Variants in ZNF808 observed in about 807,000 individuals in gnomAD.
ZNF808 encodes the protein zinc finger protein 808.
Under a neutral mutation model 8.7 loss-of-function variants are expected in ZNF808, and 5 were observed. The observed-to-expected ratio is 0.58, with a 90% CI of 0.30 to 1.21. The LOEUF (loss-of-function observed/expected upper bound fraction) is 1.21. ZNF808 is among the 50% of genes most tolerant of loss of function. The pLI, the probability that ZNF808 is intolerant of heterozygous loss-of-function variation, is 0.07. For missense variants in ZNF808, 1,103 were observed against 1,098.4 expected, an observed-to-expected ratio of 1.00 and a Z score of -0.06; for synonymous variants, 380 against 366.0, an observed-to-expected ratio of 1.04 and a Z score of -0.44.
rs377537705 is a variant in ZNF808 at position 52,547,626 on chromosome 19, C to G, written c.178C>G (p.Leu60Val). ...AGTGATGTTGGAGAACTACAGGAAC[C>G]TGGAGGCTGTGGGTGAGGAAAATGT... ...REVMLENYRN[L>V]EAVDISSKHM... The change falls in exon 4 of 5, where the codon CTG becomes GTG. Residue 60 changes from leucine to valine, a missense_variant. By Grantham distance (32) the Leu-to-Val change is conservative. Transcript: ENST00000359798. The G allele has an allele frequency of 1.2e-6, 2 of 1,613,844 alleles. No homozygotes were observed. The highest frequency in any genetic ancestry group is 1.7e-6 in the Non-Finnish European group (2 of 1,179,974).
chr19:52,529,102 A>G lies in ZNF808; in HGVS notation c.-122+1391A>G, dbSNP rs556067328. Among the ~76,000 whole-genome samples the G allele has an allele frequency of 6.8e-4, 104 of 152,192 alleles. 1 individual carries two copies. The highest frequency in any genetic ancestry group is 2.5e-3 in the African/African-American group (104 of 41,534). On this transcript the variant is annotated intron_variant, in intron 1 of 4. Coordinates refer to ENST00000359798, the MANE Select transcript of ZNF808 (RefSeq NM_001039886.4). ...AGTAATGAAGAAAGGGGGGCTAGGC[A>G]CAGTGGCTCACGCCTGTAGTCTCCA...
chr19:52,561,274 C>T (rs898291002), downstream of ZNF808, among the ~76,000 whole-genome samples: 5 of 143,116 alleles, frequency 3.5e-5, no homozygotes, highest in Admixed American at 7.2e-5. Context: ...TTCTAGGGTA[C>T]ATGTGCACAA....
intron 1 of ZNF808, chr19:52,527,940 T>C (rs1235304888): frequency 1.3e-5 from 2 of 152,334 alleles, no homozygotes; most frequent in African/African-American, 4.8e-5. Context: ...TGTATACACT[T>C]TCTATTGCGT....
intron 1 of ZNF808, among the ~76,000 whole-genome samples, chr19:52,530,165 AT>A (rs1358441193): frequency 5.3e-5 from 8 of 152,038 alleles, no homozygotes; most frequent in Non-Finnish European, 8.8e-5. Context: ...GCTTCAAACA[AT>A]TCTACTGCCT....
At chr19:52,550,686 A>G (rs779918569) in intron 4 of ZNF808, among the ~76,000 whole-genome samples, 17 of 151,864 alleles carry the variant, frequency 1.1e-4, no homozygotes, top group African/African-American at 1.7e-4. Flanking sequence ...AAGCCTGGCT[A>G]ATTTTTGTAT....
At chr19:52,540,983 G>C (rs1014914991) in intron 2 of ZNF808, among the ~76,000 whole-genome samples, 10 of 151,946 alleles carry the variant, frequency 6.6e-5, no homozygotes, top group African/African-American at 2.4e-4. Flanking sequence ...ATGGAGTCTC[G>C]CTCTGTCACC....
At chr19:52,552,030 T>C (rs1233698233) in intron 4 of ZNF808, among the ~76,000 whole-genome samples, 1 of 151,220 alleles carries the variant, frequency 6.6e-6, no homozygotes, top group Non-Finnish European at 1.5e-5. Flanking sequence ...ATTTTTTTTT[T>C]TTTTTGAGAT....
In ZNF808 at chr19:52,555,009, C is replaced by G. The variant is rs781120689; in HGVS notation, c.2093C>G (p.Thr698Ser). 7 of 1,612,200 alleles carry G rather than the reference C, an allele frequency of 4.3e-6. No individual in the cohort carries two copies. Among genetic ancestry groups the G allele is most frequent in the Admixed American group, 3.3e-5 (2 of 59,804 alleles). The change falls in exon 5 of 5, where the codon ACT becomes AGT. Residue 698 changes from threonine to serine, a missense_variant. By Grantham distance (58) the Thr-to-Ser change is moderately conservative. Coordinates refer to ENST00000359798, the MANE Select transcript of ZNF808 (RefSeq NM_001039886.4). Reference protein sequence around the residue: ...FVCRSYVAKHTRIHSGMKPYK... With the variant: ...FVCRSYVAKHSRIHSGMKPYK... ...TGTCGTTCCTATGTGGCAAAACATA[C>G]TAGAATTCACAGTGGAATGAAACCT...
chr19:52,535,394 G>C (rs2059597646), intron 2 of ZNF808, among the ~76,000 whole-genome samples: 1 of 151,742 alleles, frequency 6.6e-6, no homozygotes, highest in South Asian at 2.1e-4. Flanking sequence ...ACGAGGGAGG[G>C]AGCCCTGCGG....
chr19:52,544,084 A>G (rs1204139244), intron 3 of ZNF808, among the ~76,000 whole-genome samples: 4 of 152,150 alleles, frequency 2.6e-5, no homozygotes, highest in Non-Finnish European at 5.9e-5. Context: ...ACTTGAGTCC[A>G]GGAGGTGGAG....
intron 4 of ZNF808, among the ~76,000 whole-genome samples, chr19:52,548,939 G>A (rs983664739): frequency 1.7e-4 from 26 of 151,920 alleles, no homozygotes; most frequent in Admixed American, 1.7e-3. Flanking sequence ...CCAACTTGGT[G>A]AAACCACATT....
At chr19:52,534,050 T>C (rs1203137751) in intron 2 of ZNF808, among the ~76,000 whole-genome samples, 1 of 151,972 alleles carries the variant, frequency 6.6e-6, no homozygotes. Context: ...TGGCTGACTG[T>C]CATGGCTCAA....
chr19:52,552,706 T>TG (rs1012053000), intron 4 of ZNF808, among the ~76,000 whole-genome samples: 2 of 151,508 alleles, frequency 1.3e-5, no homozygotes, highest in South Asian at 2.1e-4. Context: ...TTGTGTGGTT[T>TG]TTTTTTTTTT....
At position 52,555,715 on chromosome 19, in the gene ZNF808, TAATA is replaced by T. The variant is rs2059830575; in HGVS notation, c.*91_*94del. On this transcript the variant is annotated 3_prime_UTR_variant, in exon 5 of 5. Coordinates refer to ENST00000359798, the MANE Select transcript of ZNF808 (RefSeq NM_001039886.4). ...ATGATGAAGAGAAATCTTCTGAGTG[TAATA>T]AATGTGGCATGTTTTTCAGACATTG... is the stretch of plus-strand genomic sequence containing the variant. 10 of 1,528,138 alleles carry T rather than the reference TAATA, an allele frequency of 6.5e-6. No homozygotes were observed. The East Asian group carries it at 1.1e-4, about 17-fold the overall frequency. The allele number at this position is 1,528,138 out of a possible 1,614,324, so 94.7% of individuals were successfully genotyped here.
intron 2 of ZNF808, among the ~76,000 whole-genome samples, chr19:52,542,656 A>G (rs2059682920): frequency 6.6e-6 from 1 of 152,138 alleles, no homozygotes; most frequent in Non-Finnish European, 1.5e-5. Flanking sequence ...TATACATTTT[A>G]TGGAGACATG....
intron 3 of ZNF808, among the ~76,000 whole-genome samples, chr19:52,546,043 G>T (rs2059716614): frequency 6.6e-6 from 1 of 152,192 alleles, no homozygotes; most frequent in Non-Finnish European, 1.5e-5. Flanking sequence ...TAGTATGTGT[G>T]ATGCACTTGT....
downstream of ZNF808, among the ~76,000 whole-genome samples, chr19:52,559,302 G>A (rs1220971245): frequency 3.3e-5 from 5 of 152,194 alleles, no homozygotes; most frequent in Non-Finnish European, 7.3e-5. Flanking sequence ...GCTGGAGGCA[G>A]TACTGCTCTT....
At chr19:52,552,695 G>A (rs557772973) in intron 4 of ZNF808, among the ~76,000 whole-genome samples, 42 of 126,196 alleles carry the variant, frequency 3.3e-4, no homozygotes, top group African/African-American at 1.3e-3. Context: ...AATATAGTAT[G>A]TTGTGTGGTT....
At chr19:52,562,986 G>C (rs1418603177) in intron 3 of ZNF808, among the ~76,000 whole-genome samples, 1 of 152,092 alleles carries the variant, frequency 6.6e-6, no homozygotes, top group Non-Finnish European at 1.5e-5. Context: ...ATGTTGGCCA[G>C]GCTGGTCTCC....
Sources: allele counts gnomAD v4.1 joint callset (sites outside exome capture counted in the v4.1 genomes callset), GRCh38; gene constraint gnomAD v4.1.1; transcripts MANE v1.5; gene names NCBI Gene and HGNC (gene_info 2026-07-23, HGNC 2026-07-21).